TBC1D5: variants seen among roughly 807,000 people sequenced by gnomAD.
TBC1D5 encodes the protein TBC1 domain family, member 5.
A neutral mutation model predicts 100.3 loss-of-function variants in TBC1D5; 75 were observed. That is an observed-to-expected ratio of 0.75 (90% CI 0.62 to 0.91). The LOEUF is 0.91. TBC1D5 is among the 40% of genes least tolerant of loss of function. TBC1D5 has a pLI of 0.00. For missense variants in TBC1D5, 910 were observed against 942.4 expected (o/e 0.97, Z 0.45); for synonymous variants, 323 against 325.6 (o/e 0.99, Z 0.09).
intron 2 of TBC1D5, among the ~76,000 whole-genome samples, chr3:17,604,095 T>C (rs115630287): frequency 4.1e-4 from 62 of 152,194 alleles, no homozygotes; most frequent in African/African-American, 1.4e-3. Context: ...GCCTCCCAAG[T>C]AGCACCACCA....
At chr3:17,418,798 C>A (rs2094143248) in intron 4 of TBC1D5, among the ~76,000 whole-genome samples, 1 of 152,126 alleles carries the variant, frequency 6.6e-6, no homozygotes. Flanking sequence ...TGACTAAGTT[C>A]AAATGGGAAA....
At chr3:17,352,693 A>AC (rs1553700548) in intron 13 of TBC1D5, among the ~76,000 whole-genome samples, 5 of 149,208 alleles carry the variant, frequency 3.4e-5, no homozygotes, top group Non-Finnish European at 7.4e-5. Flanking sequence ...CAAAAAAAAA[A>AC]AAAAAACAAA....
intron 2 of TBC1D5, among the ~76,000 whole-genome samples, chr3:17,560,074 T>A (rs1215226126): frequency 2.0e-5 from 3 of 152,160 alleles, no homozygotes; most frequent in Non-Finnish European, 4.4e-5. Context: ...ATGTGCCTCC[T>A]GATGAGAAAA....
chr3:17,350,947 C>T (rs1227026750), intron 13 of TBC1D5, among the ~76,000 whole-genome samples: 1 of 152,122 alleles, frequency 6.6e-6, no homozygotes, highest in Non-Finnish European at 1.5e-5. Context: ...TCCCCAAATA[C>T]TATAGAAGAT....
intron 18 of TBC1D5, among the ~76,000 whole-genome samples, chr3:17,198,842 A>C (rs1269286084): frequency 6.6e-6 from 1 of 152,220 alleles, no homozygotes; most frequent in Non-Finnish European, 1.5e-5. Flanking sequence ...ACCAATGCCC[A>C]TGCTCCACTG....
At chr3:17,567,314 A>AT (rs1319930100) in intron 2 of TBC1D5, among the ~76,000 whole-genome samples, 36 of 151,760 alleles carry the variant, frequency 2.4e-4, no homozygotes, top group Non-Finnish European at 4.6e-4. Flanking sequence ...ACCACTCACT[A>AT]ATAAAGTGCA....
chr3:17,357,715 C>T (rs916759167), intron 13 of TBC1D5, among the ~76,000 whole-genome samples: 2 of 152,098 alleles, frequency 1.3e-5, no homozygotes, highest in African/African-American at 4.8e-5. Flanking sequence ...GTTTTAAGTG[C>T]TTTGCAAATA....
intron 1 of TBC1D5, among the ~76,000 whole-genome samples, chr3:17,647,357 C>T (rs184714517): frequency 6.6e-6 from 1 of 152,048 alleles, no homozygotes; most frequent in African/African-American, 2.4e-5. Flanking sequence ...TAAATATACA[C>T]AAACTCAGAA....
chr3:17,729,998 C>A (rs1345547620), intron 1 of TBC1D5, among the ~76,000 whole-genome samples: 1 of 151,908 alleles, frequency 6.6e-6, no homozygotes, highest in East Asian at 1.9e-4. Flanking sequence ...GTAATCCCAG[C>A]TACTCAGGAG....
chr3:17,507,018 AAAAC>A (rs1286014094), intron 3 of TBC1D5, among the ~76,000 whole-genome samples: 2 of 152,078 alleles, frequency 1.3e-5, no homozygotes, highest in Non-Finnish European at 1.5e-5. Flanking sequence ...TCCGTCTCAA[AAAAC>A]AAACAAACAA....
At chr3:17,199,651 G>A (rs1413464439) in intron 18 of TBC1D5, among the ~76,000 whole-genome samples, 1 of 152,124 alleles carries the variant, frequency 6.6e-6, no homozygotes, top group African/African-American at 2.4e-5. Context: ...CCATGTGGTA[G>A]TATATATATG....
At chr3:17,495,194 T>C (rs2095691546) in intron 3 of TBC1D5, among the ~76,000 whole-genome samples, 1 of 152,250 alleles carries the variant, frequency 6.6e-6, no homozygotes, top group African/African-American at 2.4e-5. Context: ...AGATGGAAGC[T>C]GCTTCTAAGC....
At chr3:17,305,326 C>A (rs1203867971) in intron 14 of TBC1D5, among the ~76,000 whole-genome samples, 1 of 152,162 alleles carries the variant, frequency 6.6e-6, no homozygotes, top group Non-Finnish European at 1.5e-5. Context: ...CCCATGTTCT[C>A]TTTCCATATG....
At chr3:17,694,983 A>T (rs182754282) in intron 1 of TBC1D5, among the ~76,000 whole-genome samples, 45 of 152,338 alleles carry the variant, frequency 3.0e-4, no homozygotes, top group Non-Finnish European at 4.7e-4. Flanking sequence ...AGAATTTCAT[A>T]TCCAGCCAAA....
intron 18 of TBC1D5, among the ~76,000 whole-genome samples, chr3:17,205,662 C>T (rs992791356): frequency 3.9e-5 from 6 of 152,154 alleles, no homozygotes; most frequent in Non-Finnish European, 8.8e-5. Flanking sequence ...TGACCCTTCT[C>T]CTTACCAGAG....
intron 3 of TBC1D5, among the ~76,000 whole-genome samples, chr3:17,489,168 A>G (rs2095607498): frequency 1.3e-5 from 2 of 151,802 alleles, no homozygotes; most frequent in Non-Finnish European, 2.9e-5. Flanking sequence ...AGGGTCAAAC[A>G]AGAATGTTTG....
chr3:17,588,744 A>G (rs2096748296), intron 2 of TBC1D5, among the ~76,000 whole-genome samples: 1 of 152,230 alleles, frequency 6.6e-6, no homozygotes, highest in Non-Finnish European at 1.5e-5. Context: ...AATTTTCAAT[A>G]AAATACTAAA....
At position 17,635,681 on chromosome 3, in the gene TBC1D5, G is replaced by T. The variant is rs2063844554; in HGVS notation, c.-100-11768C>A. Among the ~76,000 whole-genome samples, 3 of 151,904 alleles carry T rather than the reference G, an allele frequency of 2.0e-5. No individual in the cohort carries two copies. In the South Asian group the frequency reaches 6.2e-4, roughly 32 times the overall value. On this transcript the variant is annotated intron_variant, in intron 1 of 21. Coordinates refer to ENST00000253692, the Ensembl canonical transcript of TBC1D5. ...CAACAAGAGAAAAAAAAAATTAAAA[G>T]GTCAAATGACTGAGTGTTGACACTA...
Position 17,428,522 on chromosome 3 carries a change from G to A in TBC1D5, c.98-3C>T, listed in dbSNP as rs1259125472. The A allele has an allele frequency of 6.8e-6, 10 of 1,479,462 alleles. 1 individual carries two copies. The South Asian group carries it at 8.3e-5, about 12-fold the overall frequency. The allele number at this position is 1,479,462 out of a possible 1,614,324, so 91.6% of individuals were successfully genotyped here. A position where few individuals can be genotyped will look rare whatever the true frequency, so the allele number is the denominator to read the frequency against. On this transcript the variant is annotated splice_polypyrimidine_tract_variant and splice_region_variant and intron_variant, in intron 3 of 21. Coordinates refer to ENST00000253692, the Ensembl canonical transcript of TBC1D5. ...TCTTCCATTTTTATTTGAATCTCCT[G>A]GAGAAAAAAATTACGACACTGAAAT...
Sources: allele counts gnomAD v4.1 joint callset (sites outside exome capture counted in the v4.1 genomes callset), GRCh38; gene constraint gnomAD v4.1.1; transcripts MANE v1.5; gene names NCBI Gene and HGNC (gene_info 2026-07-23, HGNC 2026-07-21).